Variants in FLI1 observed in about 807,000 individuals in gnomAD.
FLI1 encodes the protein Fli-1 proto-oncogene, ETS transcription factor.
FLI1 carries 13 observed loss-of-function variants against 53.1 expected under a neutral mutation model. That is an observed-to-expected ratio of 0.24 (90% CI 0.16 to 0.39). The LOEUF (loss-of-function observed/expected upper bound fraction) is 0.39, where lower values mean the gene tolerates loss of function less well. Among genes scored for constraint, FLI1 ranks in the 10% least tolerant of loss-of-function variants. The pLI is 1.00. For synonymous variants in FLI1, 244 were observed against 236.7 expected (o/e 1.03, Z -0.28); for missense variants, 424 against 600.5 (o/e 0.71, Z 3.07).
chr11:128,746,423 C>T (rs1039523098), intron 1 of FLI1, among the ~76,000 whole-genome samples: 1 of 152,208 alleles, frequency 6.6e-6, no homozygotes, highest in Admixed American at 6.5e-5. Flanking sequence ...GCCGCCTCCA[C>T]CCCTGGTGGA....
chr11:128,766,245 GC>G (rs1204309989), intron 2 of FLI1, among the ~76,000 whole-genome samples: 2 of 152,168 alleles, frequency 1.3e-5, no homozygotes, highest in Non-Finnish European at 2.9e-5. Context: ...CGCAGCAGAA[GC>G]CAAAGGGCCA....
chr11:128,754,986 G>GT (rs1565483327), intron 1 of FLI1, among the ~76,000 whole-genome samples: 1 of 152,280 alleles, frequency 6.6e-6, no homozygotes, highest in South Asian at 2.1e-4. Flanking sequence ...CTCATCACTT[G>GT]TTTTTTTCTA....
In FLI1 at chr11:128,765,941, T is replaced by C. The variant is rs376891337; in HGVS notation, c.231-2177T>C. 1.5e-4 allele frequency among the ~76,000 whole-genome samples: 23 copies of C among 152,320 alleles called. No homozygotes were observed. In the East Asian group the frequency reaches 3.1e-3, roughly 20 times the overall value. On this transcript the variant is annotated intron_variant, in intron 2 of 8. Coordinates refer to ENST00000527786, the MANE Select transcript of FLI1 (RefSeq NM_002017.5). Reference sequence around the variant, plus strand: ...TGGGTGAAGTATGTGTGTTCCATGTTGGAATGTGTACAGTGCATGTCTGTG... The same window carrying C: ...TGGGTGAAGTATGTGTGTTCCATGTCGGAATGTGTACAGTGCATGTCTGTG...
intron 1 of FLI1, among the ~76,000 whole-genome samples, chr11:128,745,341 C>G (rs1319466336): frequency 6.6e-6 from 1 of 152,184 alleles, no homozygotes; most frequent in Middle Eastern, 3.4e-3. Flanking sequence ...CCCTGGCTGC[C>G]GAGCTCTCCC....
chr11:128,767,886 C>T (rs143171874), intron 2 of FLI1, among the ~76,000 whole-genome samples: 16 of 152,272 alleles, frequency 1.1e-4, no homozygotes, highest in African/African-American at 3.4e-4. Flanking sequence ...GGCACTGAGG[C>T]GCTGCCAGCA....
intron 4 of FLI1, among the ~76,000 whole-genome samples, chr11:128,778,104 C>T (rs952730073): frequency 3.3e-5 from 5 of 152,088 alleles, no homozygotes; most frequent in African/African-American, 9.7e-5. Flanking sequence ...AGCAAAAATG[C>T]CCTCAATAAA....
intron 1 of FLI1, among the ~76,000 whole-genome samples, chr11:128,710,169 A>T (rs373469304): frequency 1.2e-3 from 178 of 152,320 alleles, no homozygotes; most frequent in African/African-American, 4.1e-3. Context: ...TGCACAACCA[A>T]GTATGATTAT....
At position 128,694,217 on chromosome 11, in the gene FLI1, A is replaced by C. The variant is rs1296946295; in HGVS notation, c.-42A>C. 37 of 1,520,386 alleles carry C rather than the reference A, an allele frequency of 2.4e-5. No homozygotes were observed. Among genetic ancestry groups the C allele is most frequent in the Non-Finnish European group, 3.2e-5 (36 of 1,134,872 alleles). 94.2% of individuals were successfully genotyped at this position (1,520,386 alleles called of 1,614,324 possible). ...TGCGAGGTCAGGCTGTAACCGGGTC[A>C]ATGTGTGGAATATTGGGGGGCTCGG... is the stretch of plus-strand genomic sequence containing the variant. On this transcript the variant is annotated 5_prime_UTR_variant, in exon 1 of 9. Transcript: ENST00000527786.
intron 5 of FLI1, among the ~76,000 whole-genome samples, chr11:128,787,267 C>T (rs1942116737): frequency 6.6e-6 from 1 of 152,106 alleles, no homozygotes; most frequent in Admixed American, 6.5e-5. Context: ...GGTGCCATCA[C>T]CATGAGATGA....
chr11:128,746,092 C>T (rs1052455043), intron 1 of FLI1, among the ~76,000 whole-genome samples: 2 of 152,142 alleles, frequency 1.3e-5, no homozygotes, highest in Non-Finnish European at 2.9e-5. Context: ...TTACTCAAAG[C>T]GCAAAGATAG....
At chr11:128,746,269 T>C (rs1227669029) in intron 1 of FLI1, among the ~76,000 whole-genome samples, 1 of 152,126 alleles carries the variant, frequency 6.6e-6, no homozygotes, top group Non-Finnish European at 1.5e-5. Flanking sequence ...ATGAGGTTCT[T>C]CTCTTCAGGG....
At chr11:128,736,746 T>A (rs1206501957) in intron 1 of FLI1, among the ~76,000 whole-genome samples, 1 of 152,246 alleles carries the variant, frequency 6.6e-6, no homozygotes, top group Non-Finnish European at 1.5e-5. Flanking sequence ...TTTGTATATG[T>A]GTGTACTTTC....
At chr11:128,750,700 C>T (rs963259756) in intron 1 of FLI1, among the ~76,000 whole-genome samples, 1 of 152,176 alleles carries the variant, frequency 6.6e-6, no homozygotes, top group Non-Finnish European at 1.5e-5. Flanking sequence ...CGGCCATGCT[C>T]TGATCACATC....
intron 5 of FLI1, among the ~76,000 whole-genome samples, chr11:128,795,644 G>A (rs771546330): frequency 1.0e-4 from 15 of 146,104 alleles, no homozygotes; most frequent in South Asian, 4.3e-4. Context: ...TCCGCCTCCC[G>A]GGTTCACACC....
rs1049423631 is a variant in FLI1 at position 128,794,277 on chromosome 11, A to G, written c.656-11089A>G. 2.0e-5 allele frequency among the ~76,000 whole-genome samples: 3 copies of G among 152,364 alleles called. No individual in the cohort carries two copies. In the East Asian group the frequency reaches 5.8e-4, roughly 29 times the overall value. On this transcript the variant is annotated intron_variant, in intron 5 of 8. Coordinates refer to ENST00000527786, the MANE Select transcript of FLI1 (RefSeq NM_002017.5). ...AAAATACTTTGGGAAAAAAAAGGAC[A>G]GGCCTATAATGCTCTGCCAGGGGCC...
chr11:128,731,479 C>T (rs200181617), intron 1 of FLI1, among the ~76,000 whole-genome samples: 4 of 148,430 alleles, frequency 2.7e-5, no homozygotes, highest in Admixed American at 6.7e-5. Flanking sequence ...TTGAGCAGCC[C>T]TTTTTTTTTT....
chr11:128,785,952 A>G (rs1331377767), intron 5 of FLI1, among the ~76,000 whole-genome samples: 1 of 152,194 alleles, frequency 6.6e-6, no homozygotes, highest in Non-Finnish European at 1.5e-5. Context: ...AATGTACTTA[A>G]TGCCACTAAA....
chr11:128,807,031 T>G, intron 6 of FLI1, 149 bp from the exon 7 acceptor site: 1 of 441,996 alleles, frequency 2.3e-6, no homozygotes, highest in Non-Finnish European at 4.0e-6. Flanking sequence ...ACATAGTAGA[T>G]TCTAGGTAAA....
chr11:128,756,533 G>A (rs1051880164), intron 1 of FLI1, among the ~76,000 whole-genome samples: 8 of 152,210 alleles, frequency 5.3e-5, no homozygotes, highest in Admixed American at 4.6e-4. Context: ...ACACAAGGCA[G>A]CCCCTAACAG....
Sources: allele counts gnomAD v4.1 joint callset (sites outside exome capture counted in the v4.1 genomes callset), GRCh38; gene constraint gnomAD v4.1.1; transcripts MANE v1.5; gene names NCBI Gene and HGNC (gene_info 2026-07-23, HGNC 2026-07-21).